SANBR: variants seen among roughly 807,000 people sequenced by gnomAD.
The protein encoded by SANBR is SANT and BTB domain regulator of class switch recombination.
SANBR carries 77 observed loss-of-function variants against 101.8 expected under a neutral mutation model. The observed-to-expected ratio is 0.76, with a 90% CI of 0.63 to 0.91. SANBR has a LOEUF of 0.91. SANBR is among the 40% of genes least tolerant of loss of function. SANBR has a pLI of 0.00. For missense variants in SANBR, 875 were observed against 853.0 expected (o/e 1.03, Z -0.32); for synonymous variants, 279 against 274.7 (o/e 1.02, Z -0.15).
At chr2:61,103,009 A>T (rs1383332712) in intron 12 of SANBR, among the ~76,000 whole-genome samples, 1 of 152,148 alleles carries the variant, frequency 6.6e-6, no homozygotes, top group Non-Finnish European at 1.5e-5. Flanking sequence ...CCAAACTAGA[A>T]ACAAGCCATC....
intron 1 of SANBR, among the ~76,000 whole-genome samples, chr2:61,067,442 T>C (rs888048274): frequency 6.6e-6 from 1 of 152,158 alleles, no homozygotes; most frequent in Non-Finnish European, 1.5e-5. Flanking sequence ...AAACAAATTA[T>C]AATAAAACGC....
chr2:61,083,861 T>C (rs1413133156), intron 8 of SANBR, among the ~76,000 whole-genome samples: 1 of 149,268 alleles, frequency 6.7e-6, no homozygotes, highest in African/African-American at 2.5e-5. Flanking sequence ...AGAGCGAGAC[T>C]CCGTCTCAAA....
intron 11 of SANBR, chr2:61,094,018 T>A: frequency 5.7e-6 from 5 of 873,202 alleles, no homozygotes; most frequent in Non-Finnish European, 6.9e-6. Context: ...CCTCTGTCAC[T>A]TGCGTAATGA....
At chr2:61,087,125 A>T (rs971361824) in intron 8 of SANBR, among the ~76,000 whole-genome samples, 2 of 152,210 alleles carry the variant, frequency 1.3e-5, no homozygotes, top group Non-Finnish European at 2.9e-5. Context: ...GAGATTGGAC[A>T]TACTAACCAC....
downstream of SANBR, among the ~76,000 whole-genome samples, chr2:61,129,226 C>T (rs774982498): frequency 6.6e-5 from 10 of 151,910 alleles, no homozygotes; most frequent in Non-Finnish European, 1.3e-4. Context: ...GGTGGGTCAC[C>T]TGAGGTCAGG....
Position 61,102,562 on chromosome 2 carries a change from T to A in SANBR, c.1366-1291T>A, listed in dbSNP as rs186644484. ...TTTTTTTTTTTTTGAGGTGGAGTCT[T>A]GCTCTTGCTCTGTTGCCCAGACTGG... On this transcript the variant is annotated intron_variant, in intron 12 of 21. Coordinates refer to ENST00000402291, the MANE Select transcript of SANBR (RefSeq NM_001129993.3). Among the ~76,000 whole-genome samples the A allele has an allele frequency of 3.4e-4, 52 of 151,960 alleles. 1 individual carries two copies. In the East Asian group the frequency reaches 9.5e-3, roughly 28 times the overall value.
At chr2:61,108,530 T>C (rs1451114143) in intron 15 of SANBR, among the ~76,000 whole-genome samples, 181 bp downstream of exon 15, 2 of 152,246 alleles carry the variant, frequency 1.3e-5, no homozygotes, top group African/African-American at 4.8e-5. Flanking sequence ...GACAGACTCA[T>C]ATTCCATGTC....
intron 16 of SANBR, 67 bp from the exon 17 acceptor site, chr2:61,115,912 A>G (rs1684059242): frequency 1.1e-6 from 1 of 910,554 alleles, no homozygotes; most frequent in African/African-American, 1.7e-5. Flanking sequence ...CTTATTGTTT[A>G]GAAGTAACAA....
At chr2:61,126,733 T>TG (rs1264255804), downstream of SANBR, among the ~76,000 whole-genome samples, 1 of 131,092 alleles carries the variant, frequency 7.6e-6, no homozygotes, top group African/African-American at 2.9e-5. Context: ...ACCCGGAAGG[T>TG]GGAGGTTGCT....
chr2:61,072,082 C>T (rs374557480), intron 4 of SANBR, among the ~76,000 whole-genome samples: 20 of 152,024 alleles, frequency 1.3e-4, no homozygotes, highest in Non-Finnish European at 2.5e-4. Flanking sequence ...GGACTAGAGA[C>T]GTGCACCACC....
intron 8 of SANBR, among the ~76,000 whole-genome samples, chr2:61,083,763 G>T (rs1378884561): frequency 2.0e-5 from 3 of 151,770 alleles, no homozygotes; most frequent in Non-Finnish European, 4.4e-5. Flanking sequence ...CAGCTGCTTG[G>T]GTGGCTGAGG....
chr2:61,092,018 T>A (rs983085127), intron 10 of SANBR, among the ~76,000 whole-genome samples: 1 of 152,228 alleles, frequency 6.6e-6, no homozygotes, highest in Non-Finnish European at 1.5e-5. Flanking sequence ...ATGTTTAGAA[T>A]CACCAGTAAC....
chr2:61,097,925 C>A, intron 12 of SANBR, 73 bp downstream of exon 12: 1 of 1,230,908 alleles, frequency 8.1e-7, no homozygotes, highest in South Asian at 1.6e-5. Context: ...GTATAAAAGA[C>A]TTCAAACAAT....
At chr2:61,129,399 A>G (rs999407788) in intron 20 of SANBR, among the ~76,000 whole-genome samples, 8 of 151,764 alleles carry the variant, frequency 5.3e-5, no homozygotes, top group Non-Finnish European at 1.2e-4. Context: ...AGCCGAGATC[A>G]TGACACTGCA....
In SANBR at chr2:61,092,495, A is replaced by G. The variant is rs1470601354; in HGVS notation, c.1120A>G (p.Asn374Asp). The G allele has an allele frequency of 6.2e-7, 1 of 1,603,346 alleles. No homozygotes were observed. The highest frequency in any genetic ancestry group is 1.3e-5 in the African/African-American group (1 of 74,652). ...DKTWDVHEYL[N>D]SLFEELKSWR... ...GACATGGGATGTTCATGAGTATTTG[A>G]ATAGTCTTTTCGAAGAATTAAAATC... The change falls in exon 11 of 22, where the codon AAT becomes GAT. Residue 374 changes from asparagine (N) to aspartate (D), a missense_variant. Coordinates refer to ENST00000402291, the MANE Select transcript of SANBR (RefSeq NM_001129993.3).
rs372052416 is a variant in SANBR at position 61,083,237 on chromosome 2, T to C, written c.813T>C (p.Asn271=). 1.9e-5 allele frequency: 30 copies of C among 1,610,816 alleles called. No homozygotes were observed. The highest frequency in any genetic ancestry group is 2.5e-5 in the Non-Finnish European group (30 of 1,177,188). Residue 271 remains asparagine (N), a synonymous_variant, in exon 8 of 22, where the codon AAT becomes AAC. Coordinates refer to ENST00000402291, the MANE Select transcript of SANBR (RefSeq NM_001129993.3). ...GCAACATGAACTGTATTAATGCAAA[T>C]CTTCTCACACGTATAGCTGATCTGT... ...TPCNMNCINA[N]LLTRIADLFS...
At chr2:61,069,661 C>G (rs1335440795) in intron 2 of SANBR, 1 of 152,298 alleles carries the variant, frequency 6.6e-6, no homozygotes, top group Non-Finnish European at 1.5e-5. Context: ...GATGCAGTGC[C>G]TGGCACACAG....
At chr2:61,089,120 G>C (rs1248303104) in intron 10 of SANBR, 1 of 982,766 alleles carries the variant, frequency 1.0e-6, no homozygotes, top group Admixed American at 6.2e-5. Flanking sequence ...TTTTACAAGA[G>C]AACCAAATTT....
rs1293736623 is a variant in SANBR at position 61,117,385 on chromosome 2, T to G, written c.1865T>G (p.Val622Gly). 6.2e-7 allele frequency: 1 copy of G among 1,613,936 alleles called. No homozygotes were observed. The highest frequency in any genetic ancestry group is 1.1e-5 in the South Asian group (1 of 91,080). ...GCTTCTAGAGATGTGTCTCCTTTCG[T>G]GTGAGTATTGCTCCTTAATCCAATC... ...KSASRDVSPF[V>G]MSMQKNKWDA... Residue 622 changes from valine to glycine, a missense_variant and splice_region_variant, in exon 18 of 22, where the codon GTT becomes GGT. By Grantham distance (109) the Val-to-Gly change is moderately radical. Transcript: ENST00000402291.
Sources: allele counts gnomAD v4.1 joint callset (sites outside exome capture counted in the v4.1 genomes callset), GRCh38; gene constraint gnomAD v4.1.1; transcripts MANE v1.5; gene names NCBI Gene and HGNC (gene_info 2026-07-23, HGNC 2026-07-21).